TUSC3: variants seen among roughly 807,000 people sequenced by gnomAD.
The protein encoded by TUSC3 is dolichyl-diphosphooligosaccharide--protein glycosyltransferase subunit TUSC3.
In TUSC3, 45 loss-of-function variants were observed where a neutral mutation model predicts 44.8. The ratio of observed to expected loss-of-function variants is 1.00; its 90% CI spans 0.79 to 1.29. The LOEUF (loss-of-function observed/expected upper bound fraction) is 1.29, where lower values mean the gene tolerates loss of function less well. Among genes scored for constraint, TUSC3 ranks in the 50% most tolerant of loss-of-function variants. The pLI is 0.00. For missense variants in TUSC3, 519 were observed against 437.9 expected (o/e 1.19, Z -1.65); for synonymous variants, 212 against 152.9 (o/e 1.39, Z -2.85).
chr8:15,541,848 T>A (rs1259622821), intron 1 of TUSC3, among the ~76,000 whole-genome samples: 2 of 112,858 alleles, frequency 1.8e-5, no homozygotes, highest in Non-Finnish European at 4.7e-5. Flanking sequence ...AGACAGTTTT[T>A]TTTGTGGATT....
chr8:15,818,482 G>T, the TUSC3 span, among the ~76,000 whole-genome samples: 2 of 152,072 alleles, frequency 1.3e-5, no homozygotes, highest in African/African-American at 4.8e-5. Context: ...TCTGTTGATT[G>T]TACAGCTTGA....
At chr8:15,421,307 T>A (rs1394716085) in intron 1 of TUSC3, among the ~76,000 whole-genome samples, 2 of 152,142 alleles carry the variant, frequency 1.3e-5, no homozygotes, top group Non-Finnish European at 2.9e-5. Flanking sequence ...CTCTATTACC[T>A]TTCTAATTGA....
chr8:15,488,513 G>GT (rs369061580), intron 2 of TUSC3, among the ~76,000 whole-genome samples: 158 of 151,740 alleles, frequency 1.0e-3, no homozygotes, highest in African/African-American at 2.4e-3. Flanking sequence ...AAAATAAACT[G>GT]TTTTTTTGTC....
At chr8:15,653,826 T>G (rs1807027438) in intron 3 of TUSC3, among the ~76,000 whole-genome samples, 1 of 152,218 alleles carries the variant, frequency 6.6e-6, no homozygotes, top group Admixed American at 6.5e-5. Flanking sequence ...TGTCTCTGAA[T>G]TGATGTTTTA....
rs562912763 is a variant in TUSC3, at chr8:15,510,875, A to T, written n.189+27392A>T. ...TTAACAGTGTATGGAATCACTTTAA[A>T]ATTGGCAGAGGGCTCATGTGTAGAA... On this transcript the variant is annotated intron_variant and non_coding_transcript_variant, in intron 2 of 5. Transcript: ENST00000503191. 2.0e-3 allele frequency among the ~76,000 whole-genome samples: 303 copies of T among 152,326 alleles called. 1 individual carries two copies. The highest frequency in any genetic ancestry group is 3.6e-3 in the Non-Finnish European group (245 of 68,036).
chr8:15,697,519 C>G (rs191778248), intron 6 of TUSC3, among the ~76,000 whole-genome samples: 1 of 152,134 alleles, frequency 6.6e-6, no homozygotes, highest in Non-Finnish European at 1.5e-5. Context: ...GGGTCTAGTT[C>G]GCTATCTTGC....
intron 1 of TUSC3, among the ~76,000 whole-genome samples, chr8:15,447,996 A>G (rs1800129562): frequency 6.6e-6 from 1 of 151,138 alleles, no homozygotes; most frequent in Non-Finnish European, 1.5e-5. Context: ...TCACACTAGC[A>G]ATATTTTAAG....
chr8:15,447,418 G>T (rs546120208), intron 1 of TUSC3, among the ~76,000 whole-genome samples: 1 of 152,178 alleles, frequency 6.6e-6, no homozygotes, highest in East Asian at 1.9e-4. Flanking sequence ...GGAGATTAAA[G>T]ACACAAGTTT....
intron 1 of TUSC3, among the ~76,000 whole-genome samples, chr8:15,418,743 T>C (rs576221739): frequency 6.6e-6 from 1 of 152,206 alleles, no homozygotes; most frequent in Non-Finnish European, 1.5e-5. Flanking sequence ...CAGTGGCTCA[T>C]GCCTGTAACC....
At chr8:15,469,077 A>T (rs1563259262) in intron 1 of TUSC3, among the ~76,000 whole-genome samples, 2 of 152,176 alleles carry the variant, frequency 1.3e-5, no homozygotes, top group Non-Finnish European at 2.9e-5. Flanking sequence ...TGGTAATAAA[A>T]TTCCCTGGAG....
chr8:15,718,914 C>G (rs1433356192), intron 6 of TUSC3, among the ~76,000 whole-genome samples: 1 of 152,024 alleles, frequency 6.6e-6, no homozygotes, highest in Non-Finnish European at 1.5e-5. Context: ...TCTTGTCGTT[C>G]TTCCTTCAAA....
At chr8:15,665,721 A>T (rs1807626500) in intron 5 of TUSC3, among the ~76,000 whole-genome samples, 2 of 151,554 alleles carry the variant, frequency 1.3e-5, no homozygotes, top group South Asian at 4.1e-4. Flanking sequence ...TATATTGCAA[A>T]GTAATATATG....
chr8:15,733,434 G>A lies in TUSC3; in HGVS notation c.862+2705G>A, dbSNP rs770761837. On this transcript the variant is annotated intron_variant, in intron 7 of 10. Transcript: ENST00000503731. ...TTATCTGGATAAAGTGATGACTATC[G>A]AAACACATCAGGAATACCGAGCTGA... 4.2e-5 allele frequency: 16 copies of A among 377,912 alleles called. No homozygotes were observed. In the East Asian group the frequency reaches 7.7e-4, roughly 18 times the overall value. 23.4% of individuals were successfully genotyped at this position (377,912 alleles called of 1,614,324 possible).
the TUSC3 span, among the ~76,000 whole-genome samples, chr8:15,803,448 G>T: frequency 2.4e-4 from 36 of 150,926 alleles, no homozygotes; most frequent in African/African-American, 8.9e-4. Context: ...GTCACATTAA[G>T]CAAGAACTAA....
chr8:15,782,978 C>A, the TUSC3 span, among the ~76,000 whole-genome samples: 1 of 151,958 alleles, frequency 6.6e-6, no homozygotes, highest in African/African-American at 2.4e-5. Flanking sequence ...AAAGACTCCA[C>A]CAAAAAAACC....
intron 1 of TUSC3, among the ~76,000 whole-genome samples, chr8:15,470,924 C>T (rs1452122491): frequency 6.6e-6 from 1 of 151,960 alleles, no homozygotes; most frequent in Non-Finnish European, 1.5e-5. Context: ...CAGGCTGCAG[C>T]CACCCTCAAC....
At chr8:15,809,096 A>G in the TUSC3 span, among the ~76,000 whole-genome samples, 1 of 152,102 alleles carries the variant, frequency 6.6e-6, no homozygotes, top group African/African-American at 2.4e-5. Context: ...ATGGCACACT[A>G]TCATGCTAAA....
chr8:15,753,114 T>A lies in TUSC3; in HGVS notation c.1028+4649T>A, dbSNP rs144376270. Among the ~76,000 whole-genome samples, 3 of 152,130 alleles carry A rather than the reference T, an allele frequency of 2.0e-5. No individual in the cohort carries two copies. The East Asian group carries it at 5.8e-4, about 29-fold the overall frequency. On this transcript the variant is annotated intron_variant, in intron 9 of 10. Transcript: ENST00000503731. ...CATAGATGTGATTCCCTTTTTATGT[T>A]TTTTCTAATCCTATAATGTTCTCTT...
At chr8:15,547,886 T>G (rs1311721422) in intron 1 of TUSC3, among the ~76,000 whole-genome samples, 2 of 151,768 alleles carry the variant, frequency 1.3e-5, no homozygotes, top group Non-Finnish European at 2.9e-5. Flanking sequence ...GGTAGGTATC[T>G]TTACACGATT....
Sources: gnomAD v4.1 joint callset for allele counts (sites outside exome capture counted in the v4.1 genomes callset) on GRCh38, gnomAD v4.1.1 for gene constraint, MANE v1.5 for transcripts, NCBI Gene and HGNC (gene_info 2026-07-23, HGNC 2026-07-21) for gene names.